Variants in EPHB2 observed in about 807,000 individuals in gnomAD.
EPHB2 encodes ephrin type-B receptor 2.
A neutral mutation model predicts 96.4 loss-of-function variants in EPHB2; 18 were observed. That is an observed-to-expected ratio of 0.19 (90% confidence interval 0.13 to 0.28). The LOEUF (loss-of-function observed/expected upper bound fraction) is 0.28. EPHB2 is among the 10% of genes least tolerant of loss of function. The pLI, the probability that EPHB2 is intolerant of heterozygous loss-of-function variation, is 1.00. For missense variants in EPHB2, 989 were observed against 1,355.4 expected (o/e 0.73, Z 4.25); for synonymous variants, 506 against 534.1 (o/e 0.95, Z 0.72).
chr1:22,808,853 C>G (rs1022690311), intron 3 of EPHB2, among the ~76,000 whole-genome samples: 10 of 152,228 alleles, frequency 6.6e-5, no homozygotes, highest in African/African-American at 2.4e-4. Context: ...CCCAAGGAAC[C>G]TCACTCCAGA....
chr1:22,765,157 G>A (rs1644290212), intron 1 of EPHB2, among the ~76,000 whole-genome samples: 2 of 152,108 alleles, frequency 1.3e-5, no homozygotes, highest in African/African-American at 4.8e-5. Flanking sequence ...TGTTTGACAG[G>A]GAGCCTTGGC....
chr1:22,829,358 A>C (rs748759492), intron 3 of EPHB2, among the ~76,000 whole-genome samples: 1 of 152,188 alleles, frequency 6.6e-6, no homozygotes, highest in Non-Finnish European at 1.5e-5. Context: ...TGTGTGTCTT[A>C]GGGGCCCACC....
At chr1:22,723,978 G>T (rs951346548) in intron 1 of EPHB2, among the ~76,000 whole-genome samples, 3 of 152,194 alleles carry the variant, frequency 2.0e-5, no homozygotes, top group Non-Finnish European at 4.4e-5. Context: ...AAAAATTAAG[G>T]CTTAGAGAAG....
chr1:22,791,463 C>G (rs1252038404), intron 3 of EPHB2, among the ~76,000 whole-genome samples: 7 of 129,540 alleles, frequency 5.4e-5, no homozygotes, highest in Non-Finnish European at 1.1e-4. Context: ...TTCTTTCTTT[C>G]TTTCTTTCTT....
chr1:22,839,183 C>T (rs1041295429), intron 3 of EPHB2, among the ~76,000 whole-genome samples: 9 of 152,186 alleles, frequency 5.9e-5, no homozygotes, highest in Non-Finnish European at 8.8e-5. Context: ...TTCCTGCCAA[C>T]CCACATGCTA....
At chr1:22,774,934 A>C (rs1644428895) in intron 1 of EPHB2, among the ~76,000 whole-genome samples, 1 of 152,168 alleles carries the variant, frequency 6.6e-6, no homozygotes, top group Non-Finnish European at 1.5e-5. Flanking sequence ...CCCATTTTAC[A>C]GATGTGGAAA....
intron 5 of EPHB2, 102 bp downstream of exon 5, chr1:22,865,314 T>G: frequency 7.2e-7 from 1 of 1,393,416 alleles, no homozygotes; most frequent in South Asian, 1.2e-5. Context: ...TGGAGTGATT[T>G]CTTCTTTTCA....
At chr1:22,720,988 C>T (rs533646810) in intron 1 of EPHB2, among the ~76,000 whole-genome samples, 3 of 152,138 alleles carry the variant, frequency 2.0e-5, no homozygotes, top group Admixed American at 6.5e-5. Context: ...TCCTTATCAG[C>T]GAACTGGGCA....
chr1:22,726,071 A>G (rs1443403621), intron 1 of EPHB2, among the ~76,000 whole-genome samples: 2 of 152,124 alleles, frequency 1.3e-5, no homozygotes, highest in African/African-American at 4.8e-5. Flanking sequence ...CTGTCCATCC[A>G]TTCAGCAATC....
In EPHB2 at chr1:22,906,143, C is replaced by CTTAG. The variant is rs1557749210; in HGVS notation, c.1888+35_1888+38dup. On this transcript the variant is annotated intron_variant, in intron 10 of 15. Transcript: ENST00000374630. This position sits in a 1 kb window ranked among gnomAD's most constrained non-coding sequence, Gnocchi z 4.8. Reference sequence around the variant, plus strand: ...CTGGTACTCTCACATGTACTATGACCTTAGCCATGGCTGGTGAGACCACCC... The same window carrying CTTAG: ...CTGGTACTCTCACATGTACTATGACCTTAGTTAGCCATGGCTGGTGAGACCACCC... 6.2e-7 allele frequency: 1 copy of CTTAG among 1,614,062 alleles called. No individual in the cohort carries two copies. The highest frequency in any genetic ancestry group is 8.5e-7 in the Non-Finnish European group (1 of 1,180,014).
At chr1:22,852,959 A>G (rs1645644929) in intron 3 of EPHB2, among the ~76,000 whole-genome samples, 1 of 152,172 alleles carries the variant, frequency 6.6e-6, no homozygotes, top group Admixed American at 6.5e-5. Flanking sequence ...ATGCCTTGAG[A>G]GCCTGTCACC....
chr1:22,751,725 A>T lies in EPHB2; in HGVS notation c.62-29696A>T, dbSNP rs575925980. Among the ~76,000 whole-genome samples the T allele has an allele frequency of 9.8e-5, 15 of 152,288 alleles. No individual in the cohort carries two copies. The East Asian group carries it at 2.9e-3, about 29-fold the overall frequency. ...ATCCTCAGGTAGGAAATGGGGATGT[A>T]CAAGATCAAAGACAGTGGGCTGGGA... On this transcript the variant is annotated intron_variant, in intron 1 of 15. Coordinates refer to ENST00000374630, the MANE Select transcript of EPHB2 (RefSeq NM_017449.5).
intron 1 of EPHB2, among the ~76,000 whole-genome samples, chr1:22,776,852 T>C (rs1644460692): frequency 6.6e-6 from 1 of 152,200 alleles, no homozygotes; most frequent in South Asian, 2.1e-4. Flanking sequence ...CACTGGCGTA[T>C]GCTCAAGTCT....
At chr1:22,780,539 C>T (rs1406149159) in intron 1 of EPHB2, among the ~76,000 whole-genome samples, 5 of 152,156 alleles carry the variant, frequency 3.3e-5, no homozygotes, top group Admixed American at 1.3e-4. Flanking sequence ...AGTGTCCTGA[C>T]AAGATGTGTG....
At chr1:22,736,230 C>G (rs1410580929) in intron 1 of EPHB2, among the ~76,000 whole-genome samples, 1 of 152,172 alleles carries the variant, frequency 6.6e-6, no homozygotes, top group Non-Finnish European at 1.5e-5. Context: ...ACCTCCCTTT[C>G]CTCTTTGGCA....
chr1:22,785,815 A>G (rs1028145374), intron 3 of EPHB2, among the ~76,000 whole-genome samples: 12 of 152,216 alleles, frequency 7.9e-5, no homozygotes, highest in African/African-American at 2.7e-4. Flanking sequence ...TCCCCCTTGT[A>G]CTATGTGCTG....
intron 1 of EPHB2, among the ~76,000 whole-genome samples, chr1:22,769,866 A>G (rs1292178690): frequency 6.6e-6 from 1 of 152,156 alleles, no homozygotes; most frequent in African/African-American, 2.4e-5. Flanking sequence ...AAATGAATGG[A>G]AAGAAGAGAG....
Position 22,780,835 on chromosome 1 carries a change from T to TA in EPHB2, c.62-584dup, listed in dbSNP as rs1644518922. On this transcript the variant is annotated intron_variant, in intron 1 of 15. Coordinates refer to ENST00000374630, the MANE Select transcript of EPHB2 (RefSeq NM_017449.5). ...CTAGAGGTAGAGCCTGACCATGATGTAAGGGTGGACTTGGCCTGGAGGGGC... is the reference window on the plus strand; with the variant it reads ...CTAGAGGTAGAGCCTGACCATGATGTAAAGGGTGGACTTGGCCTGGAGGGGC... Among the ~76,000 whole-genome samples the TA allele has an allele frequency of 2.0e-5, 3 of 152,218 alleles. No homozygotes were observed. In the South Asian group the frequency reaches 6.2e-4, roughly 32 times the overall value.
At chr1:22,874,167 G>A (rs1246168022) in intron 5 of EPHB2, among the ~76,000 whole-genome samples, 4 of 152,170 alleles carry the variant, frequency 2.6e-5, no homozygotes, top group Non-Finnish European at 1.5e-5. Context: ...AGCCCAGACA[G>A]CTGCATTTGG....
Sources: allele counts gnomAD v4.1 joint callset (sites outside exome capture counted in the v4.1 genomes callset), GRCh38; gene constraint gnomAD v4.1.1; non-coding constraint Gnocchi (gnomAD v3.1); transcripts MANE v1.5; gene names NCBI Gene and HGNC (gene_info 2026-07-23, HGNC 2026-07-21).